The following RBM33 variants were observed in gnomAD, a reference collection of about 807,000 sequenced individuals.
The protein encoded by RBM33 is RNA-binding protein 33.
Under a neutral mutation model 132.6 loss-of-function variants are expected in RBM33, and 28 were observed. That is an observed-to-expected ratio of 0.21 (90% CI 0.16 to 0.29). RBM33 has a LOEUF of 0.29. Ranked by LOEUF, RBM33 falls within the 10% of genes least tolerant of loss-of-function variation. RBM33 has a pLI of 1.00. For missense variants in RBM33, 1,291 were observed against 1,518.5 expected (o/e 0.85, Z 2.49); for synonymous variants, 634 against 593.0 (o/e 1.07, Z -1.01).
intron 1 of RBM33, among the ~76,000 whole-genome samples, chr7:155,647,767 G>T (rs189558472): frequency 3.9e-4 from 59 of 152,292 alleles, no homozygotes; most frequent in African/African-American, 1.3e-3. Flanking sequence ...AAGTAGTAAG[G>T]ATAGAGAAAT....
rs1554469803 is a variant in RBM33, at chr7:155,673,633, TATACATACACACGTGTATATATACACAC to T, written c.171+722_171+749del. Among the ~76,000 whole-genome samples, 21 of 36,840 alleles carry T rather than the reference TATACATACACACGTGTATATATACACAC, an allele frequency of 5.7e-4. 2 individuals are homozygous for T. Among genetic ancestry groups the T allele is most frequent in the African/African-American group, 1.0e-3 (13 of 12,484 alleles). The allele number at this position is 36,840 out of a possible 152,430, so 24.2% of individuals were successfully genotyped here. A position where few individuals can be genotyped will look rare whatever the true frequency, so the allele number is the denominator to read the frequency against. ...ACACACGTGTATATATATACACACA[TATACATACACACGTGTATATATACACAC>T]ATATACATACACACGTGTATATATA... On this transcript the variant is annotated intron_variant, in intron 3 of 17. Coordinates refer to ENST00000401878, the MANE Select transcript of RBM33 (RefSeq NM_053043.3).
At chr7:155,651,206 G>A (rs1038556103) in intron 1 of RBM33, among the ~76,000 whole-genome samples, 2 of 152,084 alleles carry the variant, frequency 1.3e-5, no homozygotes, top group East Asian at 1.9e-4. Flanking sequence ...TGTGTTGAAG[G>A]TAAATTTTTT....
rs1449025985 is a variant in RBM33, at chr7:155,693,312, C to T, written c.568-7461C>T. Among the ~76,000 whole-genome samples the T allele has an allele frequency of 8.7e-5, 13 of 149,336 alleles. No individual in the cohort carries two copies. The Middle Eastern group carries it at 0.01, about 120-fold the overall frequency. On this transcript the variant is annotated intron_variant, in intron 5 of 17. Transcript: ENST00000401878. ...AAAGAGCTAGAAGTTGCATCTGTTT[C>T]ACTCTTGTGATTTTTTTTTCTTTTT...
At chr7:155,735,367 G>A (rs1301477053) in intron 9 of RBM33, among the ~76,000 whole-genome samples, 1 of 152,206 alleles carries the variant, frequency 6.6e-6, no homozygotes, top group Non-Finnish European at 1.5e-5. Flanking sequence ...GCTATTAGAA[G>A]TAATTTTTCT....
intron 4 of RBM33, among the ~76,000 whole-genome samples, chr7:155,679,078 A>G (rs1188747131): frequency 1.3e-5 from 2 of 152,198 alleles, no homozygotes; most frequent in African/African-American, 4.8e-5. Context: ...GGGCTGAAGC[A>G]GGAGAATTGC....
chr7:155,658,448 C>T (rs1051538053), intron 1 of RBM33, among the ~76,000 whole-genome samples: 3 of 140,408 alleles, frequency 2.1e-5, no homozygotes, highest in Non-Finnish European at 4.5e-5. Context: ...AGTGCAGTGG[C>T]GTGATCTTGG....
In RBM33 at chr7:155,711,347, C is replaced by G. The variant is rs78574802; in HGVS notation, c.1093C>G (p.Leu365Val). ...TCAGGGAATGCACATGCCTCCCCAG[C>G]TAGAGACCCCAAGGATGATGATGAC... ...PPQGMHMPPQ[L>V]ETPRMMMTPP... Residue 365 changes from leucine to valine, a missense_variant, in exon 8 of 18, where the codon CTA (leucine) becomes GTA (valine). Physicochemically the swap from Leu to Val is conservative, Grantham distance 32 (BLOSUM62 1). Coordinates refer to ENST00000401878, the MANE Select transcript of RBM33 (RefSeq NM_053043.3). The G allele has an allele frequency of 1.3e-5, 21 of 1,603,684 alleles. 1 individual carries two copies. The highest frequency in any genetic ancestry group is 1.0e-4 in the Admixed American group (6 of 58,298).
At position 155,771,076 on chromosome 7, in the gene RBM33, A is replaced by G. The variant is rs996543905; in HGVS notation, c.3376-3483A>G. ...TGCCAGGCTTTCCCCTCTCCCTGCC[A>G]GTACGTTATGTGGGGGCTGGGGGTG... On this transcript the variant is annotated intron_variant, in intron 16 of 17. Coordinates refer to ENST00000401878, the MANE Select transcript of RBM33 (RefSeq NM_053043.3). Among the ~76,000 whole-genome samples, 4 of 152,162 alleles carry G rather than the reference A, an allele frequency of 2.6e-5. 1 individual carries two copies. Among genetic ancestry groups the G allele is most frequent in the Non-Finnish European group, 5.9e-5 (4 of 68,030 alleles).
rs759437952 is a variant in RBM33 at position 155,745,400 on chromosome 7, C to T, written c.2777C>T (p.Pro926Leu). 1.4e-5 allele frequency: 23 copies of T among 1,613,548 alleles called. No homozygotes were observed. Among genetic ancestry groups the T allele is most frequent in the South Asian group, 6.6e-5 (6 of 90,920 alleles). ...ACAGTTCCTCAAAGTCAGACTCAGC[C>T]GCTGCATAAAGTGCTCCCGATCAAA... ...TRTVPQSQTQ[P>L]LHKVLPIKPA... The change falls in exon 14 of 18, where the codon CCG becomes CTG. Residue 926 changes from proline to leucine, a missense_variant. Pro to Leu is a moderately conservative substitution (Grantham distance 98). Coordinates refer to ENST00000401878, the MANE Select transcript of RBM33 (RefSeq NM_053043.3). The surrounding 1 kb of genome is among the most constrained non-coding windows in gnomAD (Gnocchi z 4.1).
intron 5 of RBM33, among the ~76,000 whole-genome samples, chr7:155,692,942 A>G (rs1799687301): frequency 6.6e-6 from 1 of 152,228 alleles, no homozygotes; most frequent in East Asian, 1.9e-4. Context: ...AGTGTAATGC[A>G]GTATACCAAG....
Position 155,774,871 on chromosome 7 carries a change from C to CT in RBM33, c.3465-117dup. The CT allele has an allele frequency of 1.1e-6, 1 of 916,382 alleles. No individual in the cohort carries two copies. The highest frequency in any genetic ancestry group is 1.7e-6 in the Non-Finnish European group (1 of 581,742). The allele number at this position is 916,382 out of a possible 1,614,324, so 56.8% of individuals were successfully genotyped here. ...TAATAGATCTTCCCGGGGAATCTGCCTTTTTATATGATGCGTTTTTATTAA... is the reference window on the plus strand; with the variant it reads ...TAATAGATCTTCCCGGGGAATCTGCCTTTTTTATATGATGCGTTTTTATTAA... On this transcript the variant is annotated intron_variant, in intron 17 of 17. Transcript: ENST00000401878. The surrounding 1 kb of genome is among the most constrained non-coding windows in gnomAD (Gnocchi z 4.2).
chr7:155,713,597 G>A (rs1018684268), intron 8 of RBM33, among the ~76,000 whole-genome samples: 1 of 152,162 alleles, frequency 6.6e-6, no homozygotes, highest in Non-Finnish European at 1.5e-5. Flanking sequence ...ATGGGTCAGT[G>A]GGTGTGGCCT....
chr7:155,706,709 C>T (rs149543903), intron 6 of RBM33, 151 bp from the exon 7 acceptor site: 10,626 of 614,576 alleles, frequency 0.017, 107 homozygotes, highest in Middle Eastern at 0.028. Flanking sequence ...CTGGTTGTAT[C>T]GTACTTGCCG....
At chr7:155,744,794 C>T (rs577887476) in intron 13 of RBM33, among the ~76,000 whole-genome samples, 167 bp from the exon 14 acceptor site, 11 of 151,980 alleles carry the variant, frequency 7.2e-5, no homozygotes, top group Non-Finnish European at 1.3e-4. Flanking sequence ...TTTTCCCCCT[C>T]CCCAGAGGAA....
At chr7:155,722,362 A>C (rs866113989) in intron 9 of RBM33, among the ~76,000 whole-genome samples, 1 of 152,200 alleles carries the variant, frequency 6.6e-6, no homozygotes. Context: ...CTATTTCACG[A>C]AACACTGTGT....
chr7:155,746,032 G>C (rs544817318), intron 14 of RBM33, among the ~76,000 whole-genome samples: 2 of 152,180 alleles, frequency 1.3e-5, no homozygotes, highest in East Asian at 3.8e-4. Flanking sequence ...TCATGGGACC[G>C]CCTTTGCAGG....
chr7:155,738,282 G>T lies in RBM33; in HGVS notation c.1616G>T (p.Gly539Val). The change falls in exon 11 of 18, where the codon GGG becomes GTG. Residue 539 changes from glycine to valine, a missense_variant. Transcript: ENST00000401878. ...GCCTTGCAGCCTCCAGGTCCGGTGG[G>T]GATTCTGCACTTTAGCCAGCCTGGG... ...RPALQPPGPV[G>V]ILHFSQPGSA... 1 of 1,613,944 alleles carries T rather than the reference G, an allele frequency of 6.2e-7. No individual in the cohort carries two copies. Among genetic ancestry groups the T allele is most frequent in the African/African-American group, 1.3e-5 (1 of 75,018 alleles).
Position 155,644,937 on chromosome 7 carries a change from A to G in RBM33, c.43+18A>G. 1 of 1,490,948 alleles carries G rather than the reference A, an allele frequency of 6.7e-7. No individual in the cohort carries two copies. The allele number at this position is 1,490,948 out of a possible 1,614,324, so 92.4% of individuals were successfully genotyped here. A position where few individuals can be genotyped will look rare whatever the true frequency, so the allele number is the denominator to read the frequency against. On this transcript the variant is annotated intron_variant, in intron 1 of 17. Transcript: ENST00000401878. ...CGCCGGAGGTACGTGAGGCAGCCGG[A>G]CTCTGGGGGCCAGGACCGCGCCGCG...
At position 155,765,038 on chromosome 7, in the gene RBM33, C is replaced by A. The variant is rs1802167056; in HGVS notation, c.3186+1020C>A. 2.0e-5 allele frequency among the ~76,000 whole-genome samples: 3 copies of A among 152,200 alleles called. No homozygotes were observed. In the South Asian group the frequency reaches 6.2e-4, roughly 31 times the overall value. ...GGTCTGAATTTTCTTCCTTCAGGTG[C>A]CATCCCTGAATATATGATGAGAAAG... is the stretch of plus-strand genomic sequence containing the variant. On this transcript the variant is annotated intron_variant, in intron 15 of 17. Transcript: ENST00000401878.
Sources: gnomAD v4.1 joint callset for allele counts (sites outside exome capture counted in the v4.1 genomes callset) on GRCh38, gnomAD v4.1.1 for gene constraint, Gnocchi (gnomAD v3.1) non-coding constraint, MANE v1.5 for transcripts, NCBI Gene and HGNC (gene_info 2026-07-23, HGNC 2026-07-21) for gene names.